The following ERFE variants were observed in gnomAD, a reference collection of about 807,000 sequenced individuals.
The protein encoded by ERFE is complement C1q tumor necrosis factor-related protein 15.
In ERFE, 25 loss-of-function variants were observed where a neutral mutation model predicts 26.6. The observed-to-expected ratio is 0.94, with a 90% CI of 0.69 to 1.31. The LOEUF is 1.31. Ranked by LOEUF, ERFE falls within the 40% of genes most tolerant of loss-of-function variation. ERFE has a pLI of 0.00. For synonymous variants in ERFE, 206 were observed against 204.5 expected (o/e 1.01, Z -0.06); for missense variants, 447 against 440.2 (o/e 1.02, Z -0.14).
chr2:238,162,186 G>T (rs1394093674), intron 2 of ERFE, among the ~76,000 whole-genome samples: 2 of 152,228 alleles, frequency 1.3e-5, no homozygotes, highest in Non-Finnish European at 2.9e-5. Flanking sequence ...CTGTCCCCTG[G>T]GGGCCAGTAT....
chr2:238,160,488 G>A (rs1470741791), intron 1 of ERFE, among the ~76,000 whole-genome samples: 1 of 152,142 alleles, frequency 6.6e-6, no homozygotes, highest in Non-Finnish European at 1.5e-5. Context: ...GGGTAGAGGG[G>A]AGATCAGCCA....
At chr2:238,163,241 C>T (rs535643358) in intron 3 of ERFE, among the ~76,000 whole-genome samples, 1 of 152,302 alleles carries the variant, frequency 6.6e-6, no homozygotes, top group African/African-American at 2.4e-5. Context: ...TCACCACTGG[C>T]CAGGGCTGGG....
intron 6 of ERFE, 69 bp from the exon 7 acceptor site, chr2:238,165,537 T>G: frequency 5.4e-6 from 7 of 1,304,492 alleles, no homozygotes; most frequent in Non-Finnish European, 6.5e-6. Flanking sequence ...GCTGGCAGGA[T>G]TGTGTGTCGT....
intron 3 of ERFE, chr2:238,163,510 C>T (rs1692970980): frequency 4.5e-6 from 2 of 441,558 alleles, no homozygotes; most frequent in Non-Finnish European, 7.3e-6. Context: ...GCCAAGGGCG[C>T]TGGGGCACTT....
Position 238,167,088 on chromosome 2 carries a change from A to G in ERFE, c.*34A>G, listed in dbSNP as rs1559283376. On this transcript the variant is annotated 3_prime_UTR_variant, in exon 8 of 8. Transcript: ENST00000546354. Reference sequence around the variant, plus strand: ...CACAGGCCCTTCCTCTCAGGGGCAAATGGAGCACAGATCTAGACAATGTGT... The same window carrying G: ...CACAGGCCCTTCCTCTCAGGGGCAAGTGGAGCACAGATCTAGACAATGTGT... The G allele has an allele frequency of 2.3e-5, 36 of 1,533,582 alleles. No homozygotes were observed. The highest frequency in any genetic ancestry group is 2.7e-5 in the African/African-American group (2 of 72,734). The allele number at this position is 1,533,582 out of a possible 1,614,324, so 95.0% of individuals were successfully genotyped here.
Position 238,158,995 on chromosome 2 carries a change from A to C in ERFE, c.-13A>C. ...GACGCCGCGCTCGGAGCCGCGAGGG[A>C]ACCGCCGCCCGCATGGCCCCGGCCC... is the stretch of plus-strand genomic sequence containing the variant. On this transcript the variant is annotated 5_prime_UTR_variant, in exon 1 of 8. Transcript: ENST00000546354. 4.0e-6 allele frequency: 1 copy of C among 252,712 alleles called. No individual in the cohort carries two copies. The highest frequency in any genetic ancestry group is 7.5e-6 in the Non-Finnish European group (1 of 134,156). 15.7% of individuals were successfully genotyped at this position (252,712 alleles called of 1,614,324 possible). A position where few individuals can be genotyped will look rare whatever the true frequency, so the allele number is the denominator to read the frequency against.
In ERFE at chr2:238,168,768, T is replaced by G. The variant is rs558239328; in HGVS notation, c.*1714T>G. 1 of 200,252 alleles carries G rather than the reference T, an allele frequency of 5.0e-6. No homozygotes were observed. Among genetic ancestry groups the G allele is most frequent in the South Asian group, 8.3e-5 (1 of 12,052 alleles). 12.4% of individuals were successfully genotyped at this position (200,252 alleles called of 1,614,324 possible). A position where few individuals can be genotyped will look rare whatever the true frequency, so the allele number is the denominator to read the frequency against. ...ACTTTGTATCCACTGGGCACAGATA[T>G]TCTAGAGAACTTATCTTTCACTCTT... On this transcript the variant is annotated 3_prime_UTR_variant, in exon 8 of 8. Transcript: ENST00000546354.
chr2:238,167,369 A>C lies in ERFE; in HGVS notation c.*315A>C. The C allele has an allele frequency of 1.6e-6, 1 of 616,528 alleles. No homozygotes were observed. Among genetic ancestry groups the C allele is most frequent in the Non-Finnish European group, 3.0e-6 (1 of 330,048 alleles). 38.2% of individuals were successfully genotyped at this position (616,528 alleles called of 1,614,324 possible). On this transcript the variant is annotated 3_prime_UTR_variant, in exon 8 of 8. Coordinates refer to ENST00000546354, the MANE Select transcript of ERFE (RefSeq NM_001291832.2). ...CCGACTCTTTCCTGGCCTGCTCAGC[A>C]CCTGCCCAGATGGCCTCTGCGTCTT...
chr2:238,159,515 T>C (rs1395272970), intron 1 of ERFE, among the ~76,000 whole-genome samples: 1 of 152,176 alleles, frequency 6.6e-6, no homozygotes, highest in East Asian at 1.9e-4. Flanking sequence ...TAACTTGATT[T>C]GAGGAAATTG....
chr2:238,163,789 C>A lies in ERFE; in HGVS notation c.477C>A (p.Pro159=). ...AGCCCGAACCCTGTACGTGTGGCCC[C>A]GCCGGGCCGGTCGCTGCGAGCCTCG... ...RAEPEPCTCG[P]AGPVAASLAP... Residue 159 remains proline, a synonymous_variant, in exon 4 of 8, where the codon CCC becomes CCA. Coordinates refer to ENST00000546354, the MANE Select transcript of ERFE (RefSeq NM_001291832.2). 7.4e-7 allele frequency: 1 copy of A among 1,356,896 alleles called. No homozygotes were observed. 84.1% of individuals were successfully genotyped at this position (1,356,896 alleles called of 1,614,324 possible).
Position 238,159,096 on chromosome 2 carries a change from C to A in ERFE, c.89C>A (p.Pro30Gln). Residue 30 changes from proline to glutamine, a missense_variant, in exon 1 of 8, where the codon CCG becomes CAG. Pro to Gln is a moderately conservative substitution (Grantham distance 76). Coordinates refer to ENST00000546354, the MANE Select transcript of ERFE (RefSeq NM_001291832.2). ...GCCGCCGCCGCGGGCCTGGGGTCCC[C>A]GGAGCCTGGGGCGCCCTCGAGGAGC... ...LAAAAAGLGS[P>Q]EPGAPSRSRA... 4.7e-6 allele frequency: 1 copy of A among 214,168 alleles called. No individual in the cohort carries two copies. Among genetic ancestry groups the A allele is most frequent in the Non-Finnish European group, 9.0e-6 (1 of 111,324 alleles). 13.3% of individuals were successfully genotyped at this position (214,168 alleles called of 1,614,324 possible).
At position 238,159,013 on chromosome 2, in the gene ERFE, C is replaced by A; in HGVS notation, c.6C>A (p.Ala2=). The A allele has an allele frequency of 3.9e-6, 1 of 256,926 alleles. No homozygotes were observed. Among genetic ancestry groups the A allele is most frequent in the Admixed American group, 5.5e-5 (1 of 18,082 alleles). 15.9% of individuals were successfully genotyped at this position (256,926 alleles called of 1,614,324 possible). A position where few individuals can be genotyped will look rare whatever the true frequency, so the allele number is the denominator to read the frequency against. ...GCGAGGGAACCGCCGCCCGCATGGCCCCGGCCCGCCGCCCCGCCGGAGCCC... is the reference window on the plus strand; with the variant it reads ...GCGAGGGAACCGCCGCCCGCATGGCACCGGCCCGCCGCCCCGCCGGAGCCC... M[A]PARRPAGARL... is the part of the protein sequence containing the mutation. The change falls in exon 1 of 8, where the codon GCC becomes GCA. Residue 2 remains alanine (A), a synonymous_variant. Coordinates refer to ENST00000546354, the MANE Select transcript of ERFE (RefSeq NM_001291832.2).
At position 238,168,685 on chromosome 2, in the gene ERFE, T is replaced by C; in HGVS notation, c.*1631T>C. ...CCTAGAAGTACTGGGCTGGCCTGGG[T>C]ACTGCATCCGTGTGTTTTGATAAGG... On this transcript the variant is annotated 3_prime_UTR_variant, in exon 8 of 8. Coordinates refer to ENST00000546354, the MANE Select transcript of ERFE (RefSeq NM_001291832.2). The C allele has an allele frequency of 3.0e-6, 1 of 328,316 alleles. No homozygotes were observed. Among genetic ancestry groups the C allele is most frequent in the South Asian group, 2.4e-5 (1 of 42,064 alleles). The allele number at this position is 328,316 out of a possible 1,614,324, so 20.3% of individuals were successfully genotyped here. A position where few individuals can be genotyped will look rare whatever the true frequency, so the allele number is the denominator to read the frequency against.
In ERFE at chr2:238,161,635, C is replaced by G; in HGVS notation, c.240C>G (p.Asp80Glu). Residue 80 changes from aspartate (D) to glutamate (E), a missense_variant, in exon 2 of 8, where the codon GAC (aspartate) becomes GAG (glutamate). Coordinates refer to ENST00000546354, the MANE Select transcript of ERFE (RefSeq NM_001291832.2). ...GTGCACACAGCGTCGACCCCCGGGA[C>G]GCCTGGATGCTCTTCGTCAGGCAGA... ...AERAHSVDPR[D>E]AWMLFVRQSD... 1.3e-6 allele frequency: 2 copies of G among 1,546,570 alleles called. No homozygotes were observed. The highest frequency in any genetic ancestry group is 1.7e-6 in the Non-Finnish European group (2 of 1,143,776).
chr2:238,163,606 G>A, intron 3 of ERFE, 131 bp from the exon 4 acceptor site: 1 of 1,098,028 alleles, frequency 9.1e-7, no homozygotes, highest in Non-Finnish European at 1.1e-6. Flanking sequence ...AGGCCGAGGG[G>A]ACGTCGCCCT....
chr2:238,167,062 C>A lies in ERFE; in HGVS notation c.*8C>A. On this transcript the variant is annotated 3_prime_UTR_variant, in exon 8 of 8. Coordinates refer to ENST00000546354, the MANE Select transcript of ERFE (RefSeq NM_001291832.2). ...GTCCTCCTGGGCGTGTGAGCGGCCA[C>A]CACAGGCCCTTCCTCTCAGGGGCAA... 6.5e-7 allele frequency: 1 copy of A among 1,549,452 alleles called. No homozygotes were observed. Among genetic ancestry groups the A allele is most frequent in the Non-Finnish European group, 8.7e-7 (1 of 1,146,350 alleles).
chr2:238,166,200 CAAAG>C (rs1413623506), intron 7 of ERFE, among the ~76,000 whole-genome samples: 2 of 152,208 alleles, frequency 1.3e-5, no homozygotes, highest in Non-Finnish European at 2.9e-5. Flanking sequence ...AATTTACTAA[CAAAG>C]AAAACAATTG....
rs1458082851 is a variant in ERFE, at chr2:238,162,721, A to C, written c.322-15A>C. ...CTGCTCCTCACATGTCCTCACTGCC[A>C]AGGTTCCCTTTCAGTTCGGCTTGCC... On this transcript the variant is annotated splice_polypyrimidine_tract_variant and intron_variant, in intron 2 of 7. Coordinates refer to ENST00000546354, the MANE Select transcript of ERFE (RefSeq NM_001291832.2). The C allele has an allele frequency of 6.6e-7, 1 of 1,512,216 alleles. No individual in the cohort carries two copies. The highest frequency in any genetic ancestry group is 9.0e-7 in the Non-Finnish European group (1 of 1,111,882). 93.7% of individuals were successfully genotyped at this position (1,512,216 alleles called of 1,614,324 possible).
chr2:238,161,029 C>A (rs1040168952), intron 1 of ERFE, among the ~76,000 whole-genome samples: 1 of 152,346 alleles, frequency 6.6e-6, no homozygotes, highest in African/African-American at 2.4e-5. Flanking sequence ...AGAGGCCTCG[C>A]GTCATGACAG....
Sources: allele counts gnomAD v4.1 joint callset (sites outside exome capture counted in the v4.1 genomes callset), GRCh38; gene constraint gnomAD v4.1.1; transcripts MANE v1.5; gene names NCBI Gene and HGNC (gene_info 2026-07-23, HGNC 2026-07-21).